Variants in LAMA4 observed in about 807,000 individuals in gnomAD.
LAMA4 encodes the protein laminin subunit alpha-4.
Under a neutral mutation model 207.1 loss-of-function variants are expected in LAMA4, and 127 were observed. That is an observed-to-expected ratio of 0.61 (90% confidence interval 0.53 to 0.71). LAMA4 has a LOEUF of 0.71. LAMA4 is among the 30% of genes least tolerant of loss of function. LAMA4 has a pLI of 0.00. For synonymous variants in LAMA4, 761 were observed against 816.0 expected (o/e 0.93, Z 1.15); for missense variants, 2,093 against 2,246.5 (o/e 0.93, Z 1.38).
intron 6 of LAMA4, 99 bp from the exon 7 acceptor site, chr6:112,189,304 A>G: frequency 1.3e-6 from 1 of 781,770 alleles, no homozygotes; most frequent in Non-Finnish European, 2.3e-6. Context: ...ATCAGTGTAT[A>G]ATTCATCAAT....
At chr6:112,246,601 ACCTCCGC>A (rs1786954318) in intron 2 of LAMA4, among the ~76,000 whole-genome samples, 1 of 151,118 alleles carries the variant, frequency 6.6e-6, no homozygotes, top group African/African-American at 2.4e-5. Flanking sequence ...GCTCACTGCA[ACCTCCGC>A]CTCCCGAGTT....
At chr6:112,191,131 AC>A (rs1200264677) in intron 6 of LAMA4, among the ~76,000 whole-genome samples, 2 of 151,762 alleles carry the variant, frequency 1.3e-5, no homozygotes, top group Non-Finnish European at 2.9e-5. Context: ...ATAGGCACCC[AC>A]CACCATGCCC....
intron 19 of LAMA4, 121 bp downstream of exon 19, chr6:112,144,673 G>A: frequency 8.6e-7 from 1 of 1,161,552 alleles, no homozygotes; most frequent in Non-Finnish European, 1.3e-6. Flanking sequence ...ATGGGGCTGA[G>A]AACTACTGAG....
At chr6:112,160,539 T>C (rs782350924) in intron 13 of LAMA4, among the ~76,000 whole-genome samples, 1 of 152,226 alleles carries the variant, frequency 6.6e-6, no homozygotes, top group Non-Finnish European at 1.5e-5. Flanking sequence ...TTTACAGAAA[T>C]GTTTCTTGCC....
intron 18 of LAMA4, among the ~76,000 whole-genome samples, chr6:112,147,493 T>C (rs1780100949): frequency 6.6e-6 from 1 of 152,200 alleles, no homozygotes; most frequent in Non-Finnish European, 1.5e-5. Context: ...TTTGTCATGA[T>C]ATTGACAGAC....
At chr6:112,112,190 T>C (rs1554321793) in intron 38 of LAMA4, among the ~76,000 whole-genome samples, 1 of 152,112 alleles carries the variant, frequency 6.6e-6, no homozygotes, top group African/African-American at 2.4e-5. Flanking sequence ...TAAGTAAAAG[T>C]CTGAGCTGAG....
intron 6 of LAMA4, among the ~76,000 whole-genome samples, chr6:112,190,444 T>G (rs1314908019): frequency 6.6e-6 from 1 of 152,214 alleles, no homozygotes; most frequent in Non-Finnish European, 1.5e-5. Context: ...TCCTTGAATC[T>G]TTTCAAGTGG....
intron 18 of LAMA4, among the ~76,000 whole-genome samples, chr6:112,146,131 A>G (rs1318388718): frequency 6.6e-6 from 1 of 152,094 alleles, no homozygotes; most frequent in Non-Finnish European, 1.5e-5. Context: ...CTCTACTAAA[A>G]ATGCAAAAAT....
At chr6:112,165,409 T>C (rs1242436805) in intron 12 of LAMA4, 133 bp from the exon 13 acceptor site, 5 of 727,414 alleles carry the variant, frequency 6.9e-6, no homozygotes, top group African/African-American at 6.9e-5. Flanking sequence ...CCATCCTTGC[T>C]GTGTGCCTTT....
Position 112,185,318 on chromosome 6 carries a change from G to GT in LAMA4, c.995dup (p.Tyr332Ter), listed in dbSNP as rs782782525. 1 of 1,612,284 alleles carries GT rather than the reference G, an allele frequency of 6.2e-7. No homozygotes were observed. The highest frequency in any genetic ancestry group is 8.5e-7 in the Non-Finnish European group (1 of 1,178,446). ...TGTTGATTTGTATCTTTCTTAGGGC[G>GT]TATTGGTTTTCTCTTTCTGACAATT... Reference protein sequence around the residue: ...KTKLSERENQYALRKIQINNA... With the variant: ...KTKLSERENQ Residue 332 changes from tyrosine (Y) to a stop codon, truncating the protein, a stop_gained and frameshift_variant, in exon 9 of 39, where the codon TAC becomes TAAC. Coordinates refer to ENST00000230538, the MANE Select transcript of LAMA4 (RefSeq NM_001105206.3). LOFTEE classifies it high-confidence loss of function.
intron 5 of LAMA4, among the ~76,000 whole-genome samples, chr6:112,195,836 G>C (rs1583859926): frequency 1.3e-5 from 2 of 151,810 alleles, no homozygotes; most frequent in Non-Finnish European, 2.9e-5. Context: ...GAGGGTCTTG[G>C]GTTTTAGTTT....
chr6:112,172,267 A>G, intron 12 of LAMA4: 1 of 288,524 alleles, frequency 3.5e-6, no homozygotes. Context: ...ATGCATACCC[A>G]GAACCCATGG....
chr6:112,150,216 CACACACACACACACACACAG>C (rs1780300930), intron 17 of LAMA4, among the ~76,000 whole-genome samples: 2 of 148,756 alleles, frequency 1.3e-5, no homozygotes, highest in East Asian at 1.9e-4. Flanking sequence ...CACACACACA[CACACACACACACACACACAG>C]ACACACACAG....
chr6:112,242,013 T>C (rs1786554095), intron 2 of LAMA4, among the ~76,000 whole-genome samples: 1 of 152,152 alleles, frequency 6.6e-6, no homozygotes. Context: ...AATCCCACTA[T>C]TCCCTGAAAA....
At chr6:112,219,558 T>A (rs1331671568) in intron 2 of LAMA4, 1 of 152,134 alleles carries the variant, frequency 6.6e-6, no homozygotes, top group Admixed American at 6.6e-5. Flanking sequence ...TTTTAAAAAT[T>A]GATAGTAATA....
rs1672927201 is a variant in LAMA4 at position 112,141,362 on chromosome 6, C to T, written c.2809G>A (p.Glu937Lys). Reference sequence around the variant, plus strand: ...TGTGTCATGGATTCACTGTACCTTTCAATCTTGACAATGCTGAAGTAAGCA... The same window carrying T: ...TGTGTCATGGATTCACTGTACCTTTTAATCTTGACAATGCTGAAGTAAGCA... ...WPAYFSIVKI[E>K]RVGKHGKVFL... Residue 937 changes from glutamate to lysine, a missense_variant, in exon 21 of 39, where the codon GAA (glutamate) becomes AAA (lysine). Glu to Lys is a moderately conservative substitution (Grantham distance 56, BLOSUM62 1). Around this residue, in one of 3 missense-constraint regions of LAMA4, gnomAD observed 1,704 missense variants for 1,788.4 expected, o/e 0.95. Transcript: ENST00000230538. 1 of 1,613,986 alleles carries T rather than the reference C, an allele frequency of 6.2e-7. No homozygotes were observed. The highest frequency in any genetic ancestry group is 8.5e-7 in the Non-Finnish European group (1 of 1,179,970).
intron 38 of LAMA4, among the ~76,000 whole-genome samples, chr6:112,113,203 T>G (rs991717299): frequency 5.9e-5 from 9 of 152,138 alleles, no homozygotes. Context: ...AAAAGATAAA[T>G]GTTTTAGGTG....
intron 2 of LAMA4, among the ~76,000 whole-genome samples, chr6:112,244,239 G>A (rs1024442350): frequency 9.2e-5 from 14 of 152,272 alleles, no homozygotes; most frequent in African/African-American, 3.1e-4. Context: ...GCCACCTCTG[G>A]TCTCTGTCAC....
chr6:112,140,026 G>A (rs1446861104), intron 22 of LAMA4, 141 bp from the exon 23 acceptor site: 5 of 816,230 alleles, frequency 6.1e-6, no homozygotes, highest in Non-Finnish European at 6.2e-6. Flanking sequence ...GTGTGTTTAT[G>A]CCAAATCATT....
Sources: allele counts gnomAD v4.1 joint callset (sites outside exome capture counted in the v4.1 genomes callset), GRCh38; gene constraint gnomAD v4.1.1; regional missense constraint gnomAD v4.1.1; transcripts MANE v1.5; gene names NCBI Gene and HGNC (gene_info 2026-07-23, HGNC 2026-07-21).